The following ODAD4 variants were observed in gnomAD, a reference collection of about 807,000 sequenced individuals.
ODAD4 encodes the protein outer dynein arm docking complex subunit 4, also known as outer dynein arm-docking complex subunit 4.
A neutral mutation model predicts 51.8 loss-of-function variants in ODAD4; 49 were observed. The observed-to-expected ratio is 0.95, with a 90% CI of 0.75 to 1.20. The LOEUF is 1.20. Among genes scored for constraint, ODAD4 ranks in the 50% most tolerant of loss-of-function variants. ODAD4 has a pLI of 0.00. For synonymous variants in ODAD4, 235 were observed against 221.3 expected (o/e 1.06, Z -0.55); for missense variants, 590 against 586.5 (o/e 1.01, Z -0.06).
At chr17:41,955,611 A>C (rs183627401) in intron 10 of ODAD4, among the ~76,000 whole-genome samples, 1 of 152,126 alleles carries the variant, frequency 6.6e-6, no homozygotes, top group Admixed American at 6.5e-5. Context: ...TATTTTTAGT[A>C]GAGACAGGGT....
chr17:41,933,690 C>T (rs1398197832), intron 1 of ODAD4, among the ~76,000 whole-genome samples: 8 of 150,176 alleles, frequency 5.3e-5, no homozygotes, highest in African/African-American at 2.0e-4. Flanking sequence ...GGCGGGCACC[C>T]GTAGTCCCAG....
At chr17:41,951,743 G>T (rs1555640164) in intron 9 of ODAD4, among the ~76,000 whole-genome samples, 4 of 151,216 alleles carry the variant, frequency 2.6e-5, no homozygotes, top group African/African-American at 9.7e-5. Flanking sequence ...AATTAGCCAG[G>T]TGTGGTGGCA....
intron 10 of ODAD4, among the ~76,000 whole-genome samples, chr17:41,957,090 G>C (rs2050743323): frequency 6.6e-6 from 1 of 151,836 alleles, no homozygotes. Context: ...ATTTTTTGTA[G>C]ACTCAGGGTC....
chr17:41,935,425 G>C lies in ODAD4; in HGVS notation c.246+77G>C, dbSNP rs537806035. The C allele has an allele frequency of 8.3e-6, 13 of 1,566,870 alleles. No homozygotes were observed. The Admixed American group carries it at 2.4e-4, about 29-fold the overall frequency. ...TGGTTACAAGTAGTTGTTACAAGTA[G>C]AACCAGCCAGACTGCCTAGTGTTTG... On this transcript the variant is annotated intron_variant, in intron 2 of 11. Coordinates refer to ENST00000377540, the MANE Select transcript of ODAD4 (RefSeq NM_031421.5).
chr17:41,955,576 C>T (rs377087200), intron 10 of ODAD4, among the ~76,000 whole-genome samples: 2 of 151,968 alleles, frequency 1.3e-5, no homozygotes. Flanking sequence ...ACAGGCGCCC[C>T]CCACCACGTC....
rs145547696 is a variant in ODAD4 at position 41,939,794 on chromosome 17, C to T, written c.1058+622C>T. Among the ~76,000 whole-genome samples, 17 of 152,204 alleles carry T rather than the reference C, an allele frequency of 1.1e-4. No homozygotes were observed. In the East Asian group the frequency reaches 2.9e-3, roughly 26 times the overall value. ...TGGATCAAGCAGGGTCTTTTAAAAC[C>T]GGTGCTGATCAAGAGCACGGGCTGT... On this transcript the variant is annotated intron_variant, in intron 7 of 11. Transcript: ENST00000377540.
chr17:41,944,668 G>T (rs901220005), intron 7 of ODAD4, among the ~76,000 whole-genome samples: 7 of 151,690 alleles, frequency 4.6e-5, no homozygotes, highest in Non-Finnish European at 1.0e-4. Flanking sequence ...GCGGGCACCT[G>T]TAATCCCAGC....
chr17:41,946,634 A>C (rs1428059157), intron 8 of ODAD4, among the ~76,000 whole-genome samples: 1 of 151,088 alleles, frequency 6.6e-6, no homozygotes, highest in Non-Finnish European at 1.5e-5. Flanking sequence ...TCAATTTATC[A>C]CTATTTTATT....
At chr17:41,934,030 CT>C (rs2050388662) in intron 1 of ODAD4, among the ~76,000 whole-genome samples, 1 of 68,138 alleles carries the variant, frequency 1.5e-5, no homozygotes, top group African/African-American at 5.2e-5. Context: ...TTTCTTTTTT[CT>C]TTCTTTCTTT....
chr17:41,930,799 T>G lies in ODAD4; in HGVS notation c.76T>G (p.Cys26Gly), dbSNP rs1485675567. 1 of 1,573,600 alleles carries G rather than the reference T, an allele frequency of 6.4e-7. No homozygotes were observed. Among genetic ancestry groups the G allele is most frequent in the Non-Finnish European group, 8.6e-7 (1 of 1,156,296 alleles). ...GGCCGAAGGCGAGCGGCTCTACCTG[T>G]GCGGGGAATTTTCTAAAGCCGCGCA... ...YMAEGERLYLCGEFSKAAQSF... is the reference protein window; with the variant it reads ...YMAEGERLYLGGEFSKAAQSF... Residue 26 changes from cysteine to glycine, a missense_variant, in exon 1 of 12, where the codon TGC becomes GGC. Around this residue, in one of 3 missense-constraint regions of ODAD4, gnomAD observed 360 missense variants for 407.5 expected, o/e 0.88. Coordinates refer to ENST00000377540, the MANE Select transcript of ODAD4 (RefSeq NM_031421.5).
chr17:41,944,444 A>ACACACACACACACACACACAC (rs1191101800), intron 7 of ODAD4, among the ~76,000 whole-genome samples: 1 of 19,546 alleles, frequency 5.1e-5, no homozygotes, highest in Non-Finnish European at 1.2e-4. Flanking sequence ...ACACACACAC[A>ACACACACACACACACACACAC]CCCCCCCGCA....
intron 9 of ODAD4, among the ~76,000 whole-genome samples, chr17:41,953,792 C>T (rs1412762480): frequency 2.6e-5 from 4 of 151,944 alleles, no homozygotes; most frequent in African/African-American, 7.2e-5. Flanking sequence ...CTCAGCCTCC[C>T]GAGTAGCTGG....
intron 1 of ODAD4, among the ~76,000 whole-genome samples, chr17:41,934,532 C>T (rs900419799): frequency 2.7e-5 from 4 of 150,926 alleles, no homozygotes; most frequent in Admixed American, 6.6e-5. Flanking sequence ...TTTTGTATTT[C>T]GTAGAGACAG....
At chr17:41,958,795 C>A in intron 10 of ODAD4, among the ~76,000 whole-genome samples, 1 of 151,558 alleles carries the variant, frequency 6.6e-6, no homozygotes. Flanking sequence ...GAGGCCGAGG[C>A]GGGTGGATCA....
intron 10 of ODAD4, among the ~76,000 whole-genome samples, chr17:41,957,222 C>T (rs1382938105): frequency 6.6e-6 from 1 of 152,102 alleles, no homozygotes; most frequent in African/African-American, 2.4e-5. Context: ...TCAGCAGTCC[C>T]CAAGCTTTTT....
intron 3 of ODAD4, among the ~76,000 whole-genome samples, chr17:41,936,149 G>T (rs951720945): frequency 2.6e-5 from 4 of 152,218 alleles, no homozygotes; most frequent in Non-Finnish European, 1.5e-5. Flanking sequence ...CAGCATTATG[G>T]CAGGGGGAGA....
At chr17:41,948,035 T>C (rs2050610288) in intron 8 of ODAD4, among the ~76,000 whole-genome samples, 2 of 151,910 alleles carry the variant, frequency 1.3e-5, no homozygotes, top group African/African-American at 2.4e-5. Flanking sequence ...GGAGAATCAC[T>C]TGAACCCGGG....
chr17:41,934,030 CTTTCTTTCTTTTTTT>C (rs1282792282), intron 1 of ODAD4, among the ~76,000 whole-genome samples: 11 of 68,138 alleles, frequency 1.6e-4, no homozygotes, highest in Admixed American at 5.7e-4. Flanking sequence ...TTTCTTTTTT[CTTTCTTTCTTTTTTT>C]TTTTTTTTTT....
intron 10 of ODAD4, among the ~76,000 whole-genome samples, chr17:41,958,393 G>A (rs570358461): frequency 3.9e-5 from 6 of 152,254 alleles, no homozygotes; most frequent in Admixed American, 1.3e-4. Context: ...GGGTGTGGTG[G>A]CTCATGCCTG....
Sources: gnomAD v4.1 joint callset for allele counts (sites outside exome capture counted in the v4.1 genomes callset) on GRCh38, gnomAD v4.1.1 for gene constraint, gnomAD v4.1.1 regional missense constraint, MANE v1.5 for transcripts, NCBI Gene and HGNC (gene_info 2026-07-23, HGNC 2026-07-21) for gene names.